RP1: variants seen among roughly 807,000 people sequenced by gnomAD.
RP1 encodes RP1 axonemal microtubule associated.
In RP1, 16 loss-of-function variants were observed where a neutral mutation model predicts 14.8. The observed-to-expected ratio is 1.08, with a 90% CI of 0.73 to 1.65. RP1 has a LOEUF of 1.65. Among genes scored for constraint, RP1 ranks in the 40% most tolerant of loss-of-function variants. The pLI is 0.00. For synonymous variants in RP1, 876 were observed against 883.6 expected (o/e 0.99, Z 0.15); for missense variants, 2,631 against 2,535.0 (o/e 1.04, Z -0.81).
Position 54,598,718 on chromosome 8 carries a change from G to A in RP1, c.-12-22237G>A, listed in dbSNP as rs115440982. Among the ~76,000 whole-genome samples, 870 of 152,230 alleles carry A rather than the reference G, an allele frequency of 5.7e-3. 10 individuals carry two copies. Among genetic ancestry groups the A allele is most frequent in the African/African-American group, 0.02 (835 of 41,528 alleles). ...TGCCTTTGTTACCTGCATTCCTCAA[G>A]GATATTTTTGCCGGACATAGAACTG... On this transcript the variant is annotated intron_variant, in intron 1 of 22. Transcript: ENST00000636932.
exon 15 of RP1, chr8:54,706,616 A>G (rs1808155597): frequency 2.0e-6 from 3 of 1,536,118 alleles, no homozygotes; most frequent in Non-Finnish European, 2.6e-6. Flanking sequence ...AAAATGCACA[A>G]ATGTATCTAA....
chr8:54,783,760 C>A, intron 24 of RP1: 1 of 1,125,570 alleles, frequency 8.9e-7, no homozygotes, highest in Non-Finnish European at 1.1e-6. Flanking sequence ...TTGTGATATA[C>A]ATCCCCGAAG....
At chr8:54,851,489 G>C (rs1251887284) in intron 25 of RP1, among the ~76,000 whole-genome samples, 1 of 152,144 alleles carries the variant, frequency 6.6e-6, no homozygotes, top group African/African-American at 2.4e-5. Flanking sequence ...CATCATACTT[G>C]TTTTCATGAA....
In RP1 at chr8:54,700,905, G is replaced by A. The variant is rs1490354896; in HGVS notation, c.1822-581G>A. Among the ~76,000 whole-genome samples, 4 of 152,144 alleles carry A rather than the reference G, an allele frequency of 2.6e-5. No homozygotes were observed. In the South Asian group the frequency reaches 6.2e-4, roughly 24 times the overall value. ...TCTGCCGCCTCCCTGCCATACTTGG[G>A]CAATAGAACTTTGCTGAGGTTGATA... On this transcript the variant is annotated intron_variant, in intron 13 of 22. Transcript: ENST00000636932.
chr8:54,695,383 T>C (rs1270377503), intron 12 of RP1, among the ~76,000 whole-genome samples: 1 of 152,116 alleles, frequency 6.6e-6, no homozygotes, highest in Non-Finnish European at 1.5e-5. Context: ...CATCTCTTCA[T>C]AGAACTTGTA....
chr8:54,810,269 G>C (rs1206391026), intron 24 of RP1, among the ~76,000 whole-genome samples: 2 of 152,196 alleles, frequency 1.3e-5, no homozygotes, highest in Non-Finnish European at 1.5e-5. Context: ...TGAGAACTCA[G>C]GTGGCTGTTT....
chr8:54,819,723 A>T (rs1396775980), intron 24 of RP1, among the ~76,000 whole-genome samples: 2 of 152,136 alleles, frequency 1.3e-5, no homozygotes, highest in African/African-American at 4.8e-5. Context: ...AACTCTTGCA[A>T]ACTCATGGAG....
chr8:54,626,524 C>G lies in RP1; in HGVS notation c.2642C>G (p.Ala881Gly). The G allele has an allele frequency of 1.2e-6, 2 of 1,613,710 alleles. No homozygotes were observed. Among genetic ancestry groups the G allele is most frequent in the Non-Finnish European group, 1.7e-6 (2 of 1,179,868 alleles). Residue 881 changes from alanine (A) to glycine (G), a missense_variant, in exon 4 of 4, where the codon GCT (alanine) becomes GGT (glycine). Transcript: ENST00000220676. ...KRKGDKVKAS[A>G]ILSKQHATTR... ...AAAGGGGATAAAGTGAAAGCAAGTGCTATTTTAAGTAAACAACATGCTACA... is the reference window on the plus strand; with the variant it reads ...AAAGGGGATAAAGTGAAAGCAAGTGGTATTTTAAGTAAACAACATGCTACA...
Position 54,660,424 on chromosome 8 carries a change from G to T in RP1, c.1172-3275G>T, listed in dbSNP as rs187994471. On this transcript the variant is annotated intron_variant, in intron 6 of 22. Transcript: ENST00000636932. ...ATTATAAGAATGCTTTTTCTGCATTGATGAAGTTTTTTGTTTTTTGTCTTT... is the reference window on the plus strand; with the variant it reads ...ATTATAAGAATGCTTTTTCTGCATTTATGAAGTTTTTTGTTTTTTGTCTTT... Among the ~76,000 whole-genome samples the T allele has an allele frequency of 2.6e-5, 4 of 152,246 alleles. No homozygotes were observed. The East Asian group carries it at 7.7e-4, about 29-fold the overall frequency.
chr8:54,569,612 T>A (rs114920182), intron 1 of RP1, among the ~76,000 whole-genome samples: 2 of 152,180 alleles, frequency 1.3e-5, no homozygotes, highest in Non-Finnish European at 2.9e-5. Context: ...TTCATAGGCA[T>A]CTTCTTTTGG....
chr8:54,637,618 C>CT (rs1018651068), intron 3 of RP1, among the ~76,000 whole-genome samples: 10 of 150,898 alleles, frequency 6.6e-5, no homozygotes, highest in East Asian at 1.9e-4. Context: ...AGACATACTG[C>CT]TTTTTTTTTC....
intron 1 of RP1, among the ~76,000 whole-genome samples, chr8:54,595,328 A>T (rs1310455879): frequency 2.0e-5 from 3 of 151,862 alleles, no homozygotes; most frequent in Non-Finnish European, 4.4e-5. Flanking sequence ...ACAGGGTTTC[A>T]CTCTGTTAGC....
intron 25 of RP1, among the ~76,000 whole-genome samples, chr8:54,851,453 T>C (rs1227607815): frequency 6.6e-6 from 1 of 152,242 alleles, no homozygotes; most frequent in Non-Finnish European, 1.5e-5. Context: ...TATGTGAAGA[T>C]GTCAAATCAT....
chr8:54,706,509 C>A (rs1247333474), exon 15 of RP1: 1 of 1,535,720 alleles, frequency 6.5e-7, no homozygotes, highest in East Asian at 2.4e-5. Context: ...GTGTCTCCAG[C>A]CTGATGGAAG....
At chr8:54,822,598 T>C (rs957513079) in intron 24 of RP1, among the ~76,000 whole-genome samples, 2 of 152,240 alleles carry the variant, frequency 1.3e-5, no homozygotes, top group African/African-American at 2.4e-5. Context: ...TCATTTTTAA[T>C]TATGTATCTG....
At chr8:54,709,139 A>G (rs1387161762) in intron 15 of RP1, among the ~76,000 whole-genome samples, 2 of 152,174 alleles carry the variant, frequency 1.3e-5, no homozygotes, top group African/African-American at 2.4e-5. Flanking sequence ...AACAGGATGG[A>G]GAAACTGGTT....
Position 54,652,780 on chromosome 8 carries a change from A to AT in RP1, c.953dup (p.Thr319AsnfsTer10). 1 of 1,534,792 alleles carries AT rather than the reference A, an allele frequency of 6.5e-7. No individual in the cohort carries two copies. On this transcript the variant is annotated frameshift_variant and splice_region_variant, in exon 5 of 23. Coordinates refer to the RP1 transcript ENST00000636932. LOFTEE classifies it high-confidence loss of function. ...AAGTTGTTCCCTTGGCTCTTCATAGATAACAGTTGGAGACATTGGAGCACT... is the reference window on the plus strand; with the variant it reads ...AAGTTGTTCCCTTGGCTCTTCATAGATTAACAGTTGGAGACATTGGAGCACT...
intron 7 of RP1, among the ~76,000 whole-genome samples, chr8:54,670,387 C>T (rs1245035032): frequency 6.7e-6 from 1 of 149,994 alleles, no homozygotes; most frequent in Non-Finnish European, 1.5e-5. Flanking sequence ...TCTATTTCTC[C>T]CTTCAATTTT....
chr8:54,695,764 A>T (rs1284976620), intron 12 of RP1, among the ~76,000 whole-genome samples: 1 of 152,178 alleles, frequency 6.6e-6, no homozygotes, highest in Admixed American at 6.6e-5. Flanking sequence ...GAGTTGTGTC[A>T]GACTCAAAGT....
Sources: allele counts gnomAD v4.1 joint callset (sites outside exome capture counted in the v4.1 genomes callset), GRCh38; gene constraint gnomAD v4.1.1; transcripts MANE v1.5; gene names NCBI Gene and HGNC (gene_info 2026-07-23, HGNC 2026-07-21).